NKAIN1: variants seen among roughly 807,000 people sequenced by gnomAD.
The protein encoded by NKAIN1 is sodium/potassium-transporting ATPase subunit beta-1-interacting protein 1.
Under a neutral mutation model 31.6 loss-of-function variants are expected in NKAIN1, and 13 were observed. That is an observed-to-expected ratio of 0.41 (90% CI 0.27 to 0.65). The LOEUF (loss-of-function observed/expected upper bound fraction) is 0.65. Ranked by LOEUF, NKAIN1 falls within the 30% of genes least tolerant of loss-of-function variation. NKAIN1 has a pLI of 0.30. For missense variants in NKAIN1, 193 were observed against 262.2 expected (o/e 0.74, Z 1.82); for synonymous variants, 104 against 109.0 (o/e 0.95, Z 0.28).
chr1:31,204,243 G>T (rs78128617), intron 1 of NKAIN1, among the ~76,000 whole-genome samples: 11,657 of 152,154 alleles, frequency 0.077, 1,085 homozygotes, highest in African/African-American at 0.22. Flanking sequence ...GGCAGGGAAG[G>T]TCTGAGCATA....
intron 1 of NKAIN1, among the ~76,000 whole-genome samples, chr1:31,199,853 GT>G (rs1238714681): frequency 6.6e-6 from 1 of 152,138 alleles, no homozygotes; most frequent in Non-Finnish European, 1.5e-5. Context: ...AACATGGCGT[GT>G]ATCCTGCCTC....
At chr1:31,204,210 C>G (rs1645406201) in intron 1 of NKAIN1, among the ~76,000 whole-genome samples, 1 of 152,048 alleles carries the variant, frequency 6.6e-6, no homozygotes, top group Non-Finnish European at 1.5e-5. Context: ...GGACCCAGGG[C>G]TTTATTCTGC....
intron 1 of NKAIN1, among the ~76,000 whole-genome samples, chr1:31,218,176 C>CCT (rs1452477875): frequency 6.6e-6 from 1 of 151,784 alleles, no homozygotes; most frequent in Non-Finnish European, 1.5e-5. Context: ...AATTCTCCTG[C>CCT]CTCAGCCTCC....
intron 4 of NKAIN1, 53 bp from the exon 5 acceptor site, chr1:31,182,643 T>C (rs1229665757): frequency 1.2e-6 from 2 of 1,603,992 alleles, no homozygotes; most frequent in East Asian, 2.2e-5. Context: ...AACCTCTTCC[T>C]CCGCCCCCTG....
chr1:31,204,846 G>A (rs999758456), intron 1 of NKAIN1, among the ~76,000 whole-genome samples: 2 of 152,072 alleles, frequency 1.3e-5, no homozygotes, highest in African/African-American at 4.8e-5. Context: ...GTGATGGGGG[G>A]AAGGCCAGAA....
In NKAIN1 at chr1:31,233,847, T is replaced by C. The variant is rs1237443341; in HGVS notation, c.54+5647A>G. Among the ~76,000 whole-genome samples, 1 of 152,182 alleles carries C rather than the reference T, an allele frequency of 6.6e-6. No individual in the cohort carries two copies. The highest frequency in any genetic ancestry group is 1.5e-5 in the Non-Finnish European group (1 of 68,042). On this transcript the variant is annotated intron_variant, in intron 1 of 6. Coordinates refer to ENST00000373736, the MANE Select transcript of NKAIN1 (RefSeq NM_024522.3). The surrounding 1 kb of genome is among the most constrained non-coding windows in gnomAD (Gnocchi z 4.0). ...GGCTCGTTCGTGGGGTAGAAGCTGTTTTTCTGACTACTTTGTAAGTAAGAA... is the reference window on the plus strand; with the variant it reads ...GGCTCGTTCGTGGGGTAGAAGCTGTCTTTCTGACTACTTTGTAAGTAAGAA...
chr1:31,227,318 C>T (rs1645615656), intron 1 of NKAIN1, among the ~76,000 whole-genome samples: 1 of 152,126 alleles, frequency 6.6e-6, no homozygotes, highest in South Asian at 2.1e-4. Flanking sequence ...ACCTCTAGGG[C>T]TGTTGTGAGG....
At chr1:31,213,845 T>G (rs1193459548) in intron 1 of NKAIN1, among the ~76,000 whole-genome samples, 3 of 151,574 alleles carry the variant, frequency 2.0e-5, no homozygotes, top group African/African-American at 7.3e-5. Flanking sequence ...AATTTAAAAA[T>G]TAGCTGGGTG....
At chr1:31,195,411 C>A (rs1250578422) in intron 1 of NKAIN1, among the ~76,000 whole-genome samples, 2 of 151,982 alleles carry the variant, frequency 1.3e-5, no homozygotes, top group African/African-American at 4.8e-5. Context: ...CATAAGCCAC[C>A]GCGCCTGGCC....
intron 1 of NKAIN1, among the ~76,000 whole-genome samples, chr1:31,216,690 T>TTCTATTTATTTA (rs1645515285): frequency 7.1e-6 from 1 of 140,490 alleles, no homozygotes; most frequent in Non-Finnish European, 1.5e-5. Context: ...TGGCATTGAC[T>TTCTATTTATTTA]TTTATTTATT....
chr1:31,200,191 A>C (rs917500824), intron 1 of NKAIN1, among the ~76,000 whole-genome samples: 1 of 152,222 alleles, frequency 6.6e-6, no homozygotes, highest in Admixed American at 6.5e-5. Flanking sequence ...CCCACTGGGA[A>C]ATGGCCACGG....
chr1:31,217,191 G>T (rs559999728), intron 1 of NKAIN1, among the ~76,000 whole-genome samples: 11 of 152,084 alleles, frequency 7.2e-5, no homozygotes, highest in Admixed American at 5.9e-4. Context: ...TAGAGACAGG[G>T]TCTTAGTCTG....
chr1:31,203,389 G>C (rs1645398955), intron 1 of NKAIN1, among the ~76,000 whole-genome samples: 1 of 146,592 alleles, frequency 6.8e-6, no homozygotes, highest in Non-Finnish European at 1.5e-5. Flanking sequence ...CATTATGATG[G>C]AGTGTGGGAA....
chr1:31,237,784 C>T (rs1031888198), intron 1 of NKAIN1, among the ~76,000 whole-genome samples: 1 of 151,990 alleles, frequency 6.6e-6, no homozygotes, highest in Non-Finnish European at 1.5e-5. Context: ...GCATAAGCCA[C>T]GATGCCTGGC....
intron 1 of NKAIN1, among the ~76,000 whole-genome samples, chr1:31,210,668 G>T (rs566152805): frequency 6.6e-6 from 1 of 152,168 alleles, no homozygotes; most frequent in East Asian, 1.9e-4. Context: ...AGCTGAGCCC[G>T]TTTCCTCATC....
At chr1:31,229,632 G>A (rs1645631403) in intron 1 of NKAIN1, among the ~76,000 whole-genome samples, 1 of 152,002 alleles carries the variant, frequency 6.6e-6, no homozygotes, top group African/African-American at 2.4e-5. Context: ...CAGACAGACA[G>A]ACAGACAGAC....
At chr1:31,196,892 A>C (rs1645331593) in intron 1 of NKAIN1, among the ~76,000 whole-genome samples, 1 of 152,156 alleles carries the variant, frequency 6.6e-6, no homozygotes, top group Non-Finnish European at 1.5e-5. Flanking sequence ...AGCCTGAGTC[A>C]GAATCCTGGT....
chr1:31,220,003 A>ACTTTTTTTTTTTTTTTTTTT (rs138578415), intron 1 of NKAIN1, among the ~76,000 whole-genome samples: 1 of 127,784 alleles, frequency 7.8e-6, no homozygotes, highest in African/African-American at 3.1e-5. Flanking sequence ...GAACACTCAG[A>ACTTTTTTTTTTTTTTTTTTT]TTTTTTTTTT....
intron 1 of NKAIN1, among the ~76,000 whole-genome samples, chr1:31,202,060 T>C (rs1645384318): frequency 6.6e-6 from 1 of 152,190 alleles, no homozygotes; most frequent in Non-Finnish European, 1.5e-5. Flanking sequence ...GAGACCAGCT[T>C]GGAGCTGCTA....
Sources: gnomAD v4.1 joint callset for allele counts (sites outside exome capture counted in the v4.1 genomes callset) on GRCh38, gnomAD v4.1.1 for gene constraint, Gnocchi (gnomAD v3.1) non-coding constraint, MANE v1.5 for transcripts, NCBI Gene and HGNC (gene_info 2026-07-23, HGNC 2026-07-21) for gene names.